EYA4: variants seen among roughly 807,000 people sequenced by gnomAD.
The protein encoded by EYA4 is protein phosphatase EYA4.
In EYA4, 31 loss-of-function variants were observed where a neutral mutation model predicts 87.9. That is an observed-to-expected ratio of 0.35 (90% CI 0.27 to 0.48). EYA4 has a LOEUF of 0.48. Among genes scored for constraint, EYA4 ranks in the 20% least tolerant of loss-of-function variants. The pLI, the probability that EYA4 is intolerant of heterozygous loss-of-function variation, is 0.99. For missense variants in EYA4, 678 were observed against 761.4 expected, an observed-to-expected ratio of 0.89 and a Z score of 1.29; for synonymous variants, 263 against 270.6, an observed-to-expected ratio of 0.97 and a Z score of 0.28.
chr6:133,250,109 G>T (rs1314450888), intron 1 of EYA4, among the ~76,000 whole-genome samples: 1 of 152,182 alleles, frequency 6.6e-6, no homozygotes, highest in Non-Finnish European at 1.5e-5. Flanking sequence ...TACAAGGTGG[G>T]ACTACCTCAA....
intron 2 of EYA4, among the ~76,000 whole-genome samples, chr6:133,321,432 C>T (rs1191626170): frequency 6.6e-6 from 1 of 152,144 alleles, no homozygotes; most frequent in Non-Finnish European, 1.5e-5. Flanking sequence ...ATTTCAGCAG[C>T]TTTAAATTTC....
chr6:133,272,973 G>A (rs908625594), intron 1 of EYA4, among the ~76,000 whole-genome samples: 1 of 151,850 alleles, frequency 6.6e-6, no homozygotes. Context: ...AACTGGCACT[G>A]TGGGAGGAGC....
chr6:133,408,245 A>G (rs1479761404), intron 3 of EYA4, among the ~76,000 whole-genome samples: 1 of 152,174 alleles, frequency 6.6e-6, no homozygotes, highest in African/African-American at 2.4e-5. Flanking sequence ...GGTCTCAGTG[A>G]AAAGCTAGGA....
intron 2 of EYA4, among the ~76,000 whole-genome samples, chr6:133,277,733 CT>C (rs1473866253): frequency 1.3e-5 from 2 of 152,150 alleles, no homozygotes; most frequent in Non-Finnish European, 2.9e-5. Context: ...GCTTTTCTTC[CT>C]TTGTCCTTTA....
chr6:133,486,787 G>A (rs1443755151), intron 13 of EYA4, among the ~76,000 whole-genome samples: 1 of 152,282 alleles, frequency 6.6e-6, no homozygotes, highest in South Asian at 2.1e-4. Flanking sequence ...TTGTAAACAA[G>A]AGAAAGAATA....
At chr6:133,495,446 A>AAAT in intron 13 of EYA4, among the ~76,000 whole-genome samples, 1 of 148,742 alleles carries the variant, frequency 6.7e-6, no homozygotes, top group East Asian at 1.9e-4. Flanking sequence ...AAATATAAAG[A>AAAT]AATATATTCA....
intron 3 of EYA4, among the ~76,000 whole-genome samples, chr6:133,385,185 G>A (rs575670548): frequency 1.7e-4 from 25 of 151,472 alleles, no homozygotes; most frequent in African/African-American, 5.6e-4. Flanking sequence ...TGTAGTCCCA[G>A]CTACTTGGGA....
chr6:133,293,065 C>T (rs888490698), intron 2 of EYA4, among the ~76,000 whole-genome samples: 5 of 152,200 alleles, frequency 3.3e-5, no homozygotes, highest in South Asian at 4.1e-4. Context: ...CCCGTGGTCT[C>T]TTTCTCTGAT....
intron 2 of EYA4, among the ~76,000 whole-genome samples, chr6:133,343,575 C>CA (rs1562310840): frequency 1.4e-5 from 2 of 145,470 alleles, no homozygotes; most frequent in Non-Finnish European, 3.1e-5. Context: ...CCACCCCCCC[C>CA]ACCCACCCCA....
intron 13 of EYA4, among the ~76,000 whole-genome samples, chr6:133,483,327 T>C (rs1796386958): frequency 6.6e-6 from 1 of 152,200 alleles, no homozygotes; most frequent in Admixed American, 6.5e-5. Context: ...TTGCTATTTC[T>C]TCAAAAGGAC....
intron 3 of EYA4, chr6:133,439,342 A>G (rs901753712): frequency 6.6e-6 from 1 of 152,170 alleles, no homozygotes; most frequent in African/African-American, 2.4e-5. Context: ...TTGATTTCAC[A>G]GCTGTTTCTA....
chr6:133,276,642 A>C (rs966597897), intron 2 of EYA4, among the ~76,000 whole-genome samples: 9 of 152,150 alleles, frequency 5.9e-5, no homozygotes, highest in African/African-American at 2.2e-4. Flanking sequence ...CAAGAAATCT[A>C]GGGAGACCTG....
At chr6:133,440,185 T>G (rs1042643983) in intron 3 of EYA4, among the ~76,000 whole-genome samples, 1 of 152,240 alleles carries the variant, frequency 6.6e-6, no homozygotes, top group Admixed American at 6.5e-5. Flanking sequence ...TTCTTATTAC[T>G]TCCTTTCTAT....
At chr6:133,411,046 C>G (rs1190330334) in intron 3 of EYA4, among the ~76,000 whole-genome samples, 1 of 137,372 alleles carries the variant, frequency 7.3e-6, no homozygotes, top group Non-Finnish European at 1.5e-5. Context: ...ACAGAGGGGG[C>G]TATGTGCTTG....
intron 2 of EYA4, among the ~76,000 whole-genome samples, chr6:133,379,055 T>G (rs1785949072): frequency 6.6e-6 from 1 of 151,992 alleles, no homozygotes; most frequent in Non-Finnish European, 1.5e-5. Context: ...ATTTAACTTT[T>G]TGGCATGAAA....
intron 13 of EYA4, among the ~76,000 whole-genome samples, chr6:133,497,450 C>G (rs764376347): frequency 5.3e-5 from 8 of 152,002 alleles, no homozygotes; most frequent in Non-Finnish European, 8.8e-5. Flanking sequence ...ACTGTCTTTT[C>G]CAAGCAGAAC....
In EYA4 at chr6:133,531,773, T is replaced by C. The variant is rs181492427; in HGVS notation, c.*2968T>C. 1 of 152,492 alleles carries C rather than the reference T, an allele frequency of 6.6e-6. No homozygotes were observed. The highest frequency in any genetic ancestry group is 1.5e-5 in the Non-Finnish European group (1 of 68,228). 9.4% of individuals were successfully genotyped at this position (152,492 alleles called of 1,614,324 possible). A position where few individuals can be genotyped will look rare whatever the true frequency, so the allele number is the denominator to read the frequency against. On this transcript the variant is annotated 3_prime_UTR_variant, in exon 20 of 20. Coordinates refer to ENST00000355286, the MANE Select transcript of EYA4 (RefSeq NM_004100.5). ...AAAATGTTTTCTCCTTAGTCCGCAA[T>C]GAGCTAAGATTCAGAATAGTGTCAA...
chr6:133,310,142 G>C (rs560951716), intron 2 of EYA4, among the ~76,000 whole-genome samples: 1 of 152,152 alleles, frequency 6.6e-6, no homozygotes, highest in Non-Finnish European at 1.5e-5. Flanking sequence ...AAAGCACTGG[G>C]TTGTGTTTTG....
intron 2 of EYA4, among the ~76,000 whole-genome samples, chr6:133,293,289 A>G (rs991224930): frequency 3.9e-5 from 6 of 152,180 alleles, no homozygotes; most frequent in Admixed American, 2.0e-4. Flanking sequence ...CATCACCTGC[A>G]GAATGATTTT....
Sources: allele counts gnomAD v4.1 joint callset (sites outside exome capture counted in the v4.1 genomes callset), GRCh38; gene constraint gnomAD v4.1.1; transcripts MANE v1.5; gene names NCBI Gene and HGNC (gene_info 2026-07-23, HGNC 2026-07-21).